The following POTEC variants were observed in gnomAD, a reference collection of about 807,000 sequenced individuals.
POTEC encodes ANKRD26-like family B member 2.
POTEC carries 35 observed loss-of-function variants against 62.0 expected under a neutral mutation model. That is an observed-to-expected ratio of 0.56 (90% confidence interval 0.43 to 0.75). The LOEUF is 0.75. Among genes scored for constraint, POTEC ranks in the 30% least tolerant of loss-of-function variants. The probability of loss-of-function intolerance (pLI) is 0.00; values close to 1 mark genes in which losing one functional copy is unlikely to be tolerated. For synonymous variants in POTEC, 156 were observed against 221.5 expected (o/e 0.70, Z 2.62); for missense variants, 472 against 655.9 (o/e 0.72, Z 3.06).
rs1218144701 is a variant in POTEC at position 14,508,380 on chromosome 18, A to C, written c.*3518T>G. The C allele has an allele frequency of 1.3e-5, 2 of 152,454 alleles. No homozygotes were observed. Among genetic ancestry groups the C allele is most frequent in the Non-Finnish European group, 2.9e-5 (2 of 68,044 alleles). 9.4% of individuals were successfully genotyped at this position (152,454 alleles called of 1,614,324 possible). A position where few individuals can be genotyped will look rare whatever the true frequency, so the allele number is the denominator to read the frequency against. ...TCTGTTAGATGGTCTTGCACATGAG[A>C]TGGAGCTGGTCTGACCTCAGCCCTC... On this transcript the variant is annotated 3_prime_UTR_variant, in exon 11 of 11. Coordinates refer to ENST00000358970, the MANE Select transcript of POTEC (RefSeq NM_001137671.2).
chr18:14,537,226 C>CA (rs1284721601), intron 3 of POTEC, among the ~76,000 whole-genome samples: 8,805 of 78,586 alleles, frequency 0.11, 484 homozygotes, highest in East Asian at 0.35. Context: ...AAAAAAAAAA[C>CA]AAAAAAAAAC....
intron 9 of POTEC, among the ~76,000 whole-genome samples, chr18:14,514,625 G>A (rs1339822460): frequency 1.3e-5 from 2 of 151,998 alleles, no homozygotes; most frequent in Non-Finnish European, 2.9e-5. Flanking sequence ...AGAGAGAGAT[G>A]TGAAATAAAC....
intron 9 of POTEC, among the ~76,000 whole-genome samples, chr18:14,521,182 G>A (rs563413984): frequency 3.6e-4 from 54 of 152,056 alleles, no homozygotes; most frequent in Non-Finnish European, 6.8e-4. Context: ...CCAATATTTC[G>A]GCACTCAGGC....
rs149505156 is a variant in POTEC, at chr18:14,523,978, T to C, written c.1198-471A>G. 1.8e-3 allele frequency among the ~76,000 whole-genome samples: 277 copies of C among 152,298 alleles called. 4 individuals carry two copies. In the East Asian group the frequency reaches 0.041, roughly 23 times the overall value. On this transcript the variant is annotated intron_variant, in intron 7 of 10. Coordinates refer to ENST00000358970, the MANE Select transcript of POTEC (RefSeq NM_001137671.2). ...CTGAAGTGCTTTTTTAAAAGATTCC[T>C]AATTGGATTGTAGGCACGCTTTAAA...
At chr18:14,527,153 G>C (rs1488459093) in intron 6 of POTEC, among the ~76,000 whole-genome samples, 1 of 152,050 alleles carries the variant, frequency 6.6e-6, no homozygotes, top group Non-Finnish European at 1.5e-5. Flanking sequence ...TTTCTATCTA[G>C]TCTTCCTACC....
In POTEC at chr18:14,510,991, T is replaced by G. The variant is rs1909991548; in HGVS notation, c.*907A>C. 6.6e-6 allele frequency: 1 copy of G among 152,124 alleles called. No homozygotes were observed. Among genetic ancestry groups the G allele is most frequent in the Non-Finnish European group, 1.5e-5 (1 of 68,058 alleles). The allele number at this position is 152,124 out of a possible 1,614,324, so 9.4% of individuals were successfully genotyped here. A position where few individuals can be genotyped will look rare whatever the true frequency, so the allele number is the denominator to read the frequency against. On this transcript the variant is annotated 3_prime_UTR_variant, in exon 11 of 11. Transcript: ENST00000358970. Reference sequence around the variant, plus strand: ...TGGTTGAAAGGCTCCACCCAGTGATTAGAAATGTGGTTGGGGACTGGCTTA... The same window carrying G: ...TGGTTGAAAGGCTCCACCCAGTGATGAGAAATGTGGTTGGGGACTGGCTTA...
At chr18:14,513,820 G>T in intron 9 of POTEC, 35 bp from the exon 10 acceptor site, 1 of 1,603,932 alleles carries the variant, frequency 6.2e-7, no homozygotes, top group Non-Finnish European at 8.5e-7. Context: ...AAATACTGGA[G>T]GTGTCCCTAA....
Position 14,534,913 on chromosome 18 carries a change from T to C in POTEC, c.905A>G (p.Asp302Gly). 3 of 1,591,568 alleles carry C rather than the reference T, an allele frequency of 1.9e-6. No individual in the cohort carries two copies. Among genetic ancestry groups the C allele is most frequent in the Non-Finnish European group, 2.6e-6 (3 of 1,168,764 alleles). Residue 302 changes from aspartate (D) to glycine (G), a missense_variant, in exon 4 of 11, where the codon GAT becomes GGT. This residue lies in a region of POTEC where 83 missense variants were observed against 254.3 expected (regional missense o/e 0.33). Transcript: ENST00000358970. Reference sequence around the variant, plus strand: ...GAAATAACCATACCTTCCATATCTATCAAGTGCATTTAAATTAGCTTTTTT... The same window carrying C: ...GAAATAACCATACCTTCCATATCTACCAAGTGCATTTAAATTAGCTTTTTT... ...IKKKANLNAL[D>G]RYGRTALILA...
At chr18:14,521,838 A>C (rs1417847256) in intron 9 of POTEC, among the ~76,000 whole-genome samples, 4 of 152,122 alleles carry the variant, frequency 2.6e-5, no homozygotes, top group Non-Finnish European at 5.9e-5. Context: ...AGAATAACAG[A>C]CACCAGGGTC....
At position 14,510,074 on chromosome 18, in the gene POTEC, C is replaced by T. The variant is rs1400848299; in HGVS notation, c.*1824G>A. 6.7e-6 allele frequency: 1 copy of T among 149,058 alleles called. No individual in the cohort carries two copies. The highest frequency in any genetic ancestry group is 1.5e-5 in the Non-Finnish European group (1 of 67,596). 9.2% of individuals were successfully genotyped at this position (149,058 alleles called of 1,614,324 possible). Reference sequence around the variant, plus strand: ...CTTGCTGCTCCACTACTTTCCTTGTCTCCTGGGGGCTCCACCCCAGAGAGG... The same window carrying T: ...CTTGCTGCTCCACTACTTTCCTTGTTTCCTGGGGGCTCCACCCCAGAGAGG... On this transcript the variant is annotated 3_prime_UTR_variant, in exon 11 of 11. Coordinates refer to ENST00000358970, the MANE Select transcript of POTEC (RefSeq NM_001137671.2).
In POTEC at chr18:14,537,204, CACACACAAAAAA is replaced by C. The variant is rs1217243350; in HGVS notation, c.810+585_810+596del. Among the ~76,000 whole-genome samples the C allele has an allele frequency of 2.5e-4, 19 of 77,144 alleles. No homozygotes were observed. In the East Asian group the frequency reaches 6.8e-3, roughly 28 times the overall value. 50.6% of individuals were successfully genotyped at this position (77,144 alleles called of 152,430 possible). On this transcript the variant is annotated intron_variant, in intron 3 of 10. Coordinates refer to ENST00000358970, the MANE Select transcript of POTEC (RefSeq NM_001137671.2). ...ACACACACACACACACACACACACA[CACACACAAAAAA>C]AAAAAAAAACAAAAAAAAACCTCTT... is the stretch of plus-strand genomic sequence containing the variant.
rs1364130830 is a variant in POTEC, at chr18:14,508,254, G to T, written c.*3644C>A. The T allele has an allele frequency of 6.6e-6, 1 of 152,524 alleles. No homozygotes were observed. The highest frequency in any genetic ancestry group is 2.4e-5 in the African/African-American group (1 of 41,398). The allele number at this position is 152,524 out of a possible 1,614,324, so 9.4% of individuals were successfully genotyped here. On this transcript the variant is annotated 3_prime_UTR_variant, in exon 11 of 11. Transcript: ENST00000358970. ...TAATCCCATATTTCTCGGATGTTTT[G>T]TTCATTCCCTTTCATTCTTTTTTCC...
At chr18:14,517,139 C>A (rs201668179) in intron 9 of POTEC, among the ~76,000 whole-genome samples, 1 of 147,602 alleles carries the variant, frequency 6.8e-6, no homozygotes, top group South Asian at 2.3e-4. Context: ...AACCAATTCA[C>A]CTTGACCAAA....
chr18:14,523,855 A>AAAAATG (rs1567911946), intron 7 of POTEC, among the ~76,000 whole-genome samples: 1 of 152,108 alleles, frequency 6.6e-6, no homozygotes, highest in Non-Finnish European at 1.5e-5. Context: ...TAAATCTACC[A>AAAAATG]AAAATGAATT....
chr18:14,542,421 T>C (rs1006536168), intron 1 of POTEC, among the ~76,000 whole-genome samples: 1 of 152,154 alleles, frequency 6.6e-6, no homozygotes, highest in African/African-American at 2.4e-5. Flanking sequence ...TAAGGGAAAT[T>C]ATAATTGGAT....
intron 9 of POTEC, among the ~76,000 whole-genome samples, chr18:14,518,754 T>C (rs1006376283): frequency 2.0e-5 from 3 of 147,282 alleles, no homozygotes; most frequent in African/African-American, 7.6e-5. Context: ...GGAAAAAGCA[T>C]TCCAGACACA....
intron 3 of POTEC, among the ~76,000 whole-genome samples, chr18:14,537,224 AAC>A (rs1222102129): frequency 1.2e-4 from 14 of 119,720 alleles, no homozygotes; most frequent in South Asian, 6.3e-4. Context: ...AAAAAAAAAA[AAC>A]AAAAAAAAAC....
At chr18:14,532,596 C>T (rs1186519042) in intron 5 of POTEC, among the ~76,000 whole-genome samples, 3 of 151,940 alleles carry the variant, frequency 2.0e-5, no homozygotes, top group Non-Finnish European at 4.4e-5. Context: ...TTTTTTTTCT[C>T]CTCCTTCTGA....
chr18:14,512,754 G>C (rs1231441112), intron 10 of POTEC, among the ~76,000 whole-genome samples: 1 of 150,250 alleles, frequency 6.7e-6, no homozygotes, highest in African/African-American at 2.5e-5. Context: ...GTGGGTGACA[G>C]TGCAAGACTC....
Sources: gnomAD v4.1 joint callset for allele counts (sites outside exome capture counted in the v4.1 genomes callset) on GRCh38, gnomAD v4.1.1 for gene constraint, gnomAD v4.1.1 regional missense constraint, MANE v1.5 for transcripts, NCBI Gene and HGNC (gene_info 2026-07-23, HGNC 2026-07-21) for gene names.